The following LOXHD1 variants were observed in gnomAD, a reference collection of about 807,000 sequenced individuals.
The protein encoded by LOXHD1 is lipoxygenase homology domain-containing protein 1.
LOXHD1 carries 205 observed loss-of-function variants against 248.2 expected under a neutral mutation model. The ratio of observed to expected loss-of-function variants is 0.83; its 90% CI spans 0.74 to 0.93. The LOEUF (loss-of-function observed/expected upper bound fraction) is 0.93, where lower values mean the gene tolerates loss of function less well. Among genes scored for constraint, LOXHD1 ranks in the 40% least tolerant of loss-of-function variants. The pLI is 0.00. For synonymous variants in LOXHD1, 1,113 were observed against 1,162.8 expected, an observed-to-expected ratio of 0.96 and a Z score of 0.87; for missense variants, 2,930 against 2,971.6, an observed-to-expected ratio of 0.99 and a Z score of 0.33.
At chr18:46,517,380 GA>G (rs1197701409) in intron 34 of LOXHD1, among the ~76,000 whole-genome samples, 1 of 152,134 alleles carries the variant, frequency 6.6e-6, no homozygotes. Context: ...ACGGCCATGG[GA>G]CTTTGAGCAT....
intron 23 of LOXHD1, among the ~76,000 whole-genome samples, chr18:46,543,424 A>AT (rs963969104): frequency 1.3e-5 from 2 of 152,078 alleles, no homozygotes; most frequent in African/African-American, 2.4e-5. Flanking sequence ...TTTAAAAAAA[A>AT]TTTTTTATTA....
intron 2 of LOXHD1, among the ~76,000 whole-genome samples, chr18:46,644,729 G>GA (rs78669436): frequency 2.6e-4 from 37 of 142,620 alleles, no homozygotes; most frequent in Admixed American, 8.3e-4. Context: ...CTCTAAAAAA[G>GA]AAAAAAAAAA....
chr18:46,624,794 C>T (rs1029364018), intron 4 of LOXHD1, among the ~76,000 whole-genome samples: 2 of 152,148 alleles, frequency 1.3e-5, no homozygotes, highest in Non-Finnish European at 2.9e-5. Context: ...CTGTAACTTC[C>T]TTCTTTTCTC....
At chr18:46,533,111 C>G in intron 28 of LOXHD1, 51 bp downstream of exon 28, 1 of 1,543,992 alleles carries the variant, frequency 6.5e-7, no homozygotes, top group Admixed American at 2.0e-5. Context: ...TCAGGAGGAC[C>G]AGGGTCCTGG....
chr18:46,623,625 C>T (rs1457837232), intron 4 of LOXHD1, among the ~76,000 whole-genome samples: 3 of 152,256 alleles, frequency 2.0e-5, no homozygotes, highest in African/African-American at 7.2e-5. Context: ...GTGGCAGGGG[C>T]ACAAGGCTGC....
chr18:46,506,103 T>C (rs2034555179), intron 36 of LOXHD1, 80 bp from the exon 37 acceptor site: 1 of 1,467,918 alleles, frequency 6.8e-7, no homozygotes, highest in Non-Finnish European at 9.2e-7. Context: ...GATCCCGGAC[T>C]CCTCAGAGGA....
intron 1 of LOXHD1, among the ~76,000 whole-genome samples, chr18:46,650,676 G>A (rs1357997575): frequency 2.0e-5 from 3 of 151,348 alleles, no homozygotes; most frequent in African/African-American, 7.2e-5. Context: ...CCATTCCACA[G>A]AGGGCACAAG....
chr18:46,563,801 A>G (rs1953968122), intron 17 of LOXHD1, among the ~76,000 whole-genome samples: 1 of 152,130 alleles, frequency 6.6e-6, no homozygotes. Flanking sequence ...AGAAAAGGAA[A>G]TTGTGGCACA....
At chr18:46,606,771 T>C (rs1335905373) in intron 6 of LOXHD1, among the ~76,000 whole-genome samples, 1 of 152,174 alleles carries the variant, frequency 6.6e-6, no homozygotes, top group Non-Finnish European at 1.5e-5. Flanking sequence ...ATAGCATAAT[T>C]ATGTCATATA....
chr18:46,546,357 C>G (rs2036829591), intron 22 of LOXHD1, among the ~76,000 whole-genome samples: 1 of 151,744 alleles, frequency 6.6e-6, no homozygotes, highest in Admixed American at 6.6e-5. Flanking sequence ...CCAATACATT[C>G]CATTCCAACC....
intron 27 of LOXHD1, among the ~76,000 whole-genome samples, chr18:46,534,088 T>C (rs1156399111): frequency 6.6e-6 from 1 of 152,194 alleles, no homozygotes; most frequent in Non-Finnish European, 1.5e-5. Flanking sequence ...ACTAGTAATA[T>C]GGCCTTGGAG....
rs2035958848 is a variant in LOXHD1 at position 46,529,262 on chromosome 18, A to T, written c.4445T>A (p.Ile1482Asn). 6.4e-7 allele frequency: 1 copy of T among 1,551,718 alleles called. No homozygotes were observed. Among genetic ancestry groups the T allele is most frequent in the African/African-American group, 1.4e-5 (1 of 73,130 alleles). Reference sequence around the variant, plus strand: ...GTCCCCGAGGTCTCCATAGATGGTGATGTACACCTTGGCATCCGTCCCTGC... The same window carrying T: ...GTCCCCGAGGTCTCCATAGATGGTGTTGTACACCTTGGCATCCGTCCCTGC... ...PGAGTDAKVY[I>N]TIYGDLGDTG... The change falls in exon 29 of 41, where the codon ATC becomes AAC. Residue 1482 changes from isoleucine (I) to asparagine (N), a missense_variant. Physicochemically the swap from Ile to Asn is moderately radical, Grantham distance 149 (BLOSUM62 -3). Transcript: ENST00000642948.
intron 4 of LOXHD1, among the ~76,000 whole-genome samples, chr18:46,623,560 C>T (rs1599057221): frequency 6.6e-6 from 1 of 152,232 alleles, no homozygotes; most frequent in East Asian, 1.9e-4. Flanking sequence ...CCCCCCTTGC[C>T]CTGCTCAGTG....
At chr18:46,598,114 A>G (rs2038286154) in intron 8 of LOXHD1, among the ~76,000 whole-genome samples, 1 of 152,126 alleles carries the variant, frequency 6.6e-6, no homozygotes, top group Non-Finnish European at 1.5e-5. Flanking sequence ...CATGTAAAAC[A>G]ATCTATTATC....
chr18:46,500,826 C>T (rs552092997), intron 37 of LOXHD1, among the ~76,000 whole-genome samples: 1 of 152,074 alleles, frequency 6.6e-6, no homozygotes, highest in Non-Finnish European at 1.5e-5. Context: ...TTCACTCTAC[C>T]TCACATGTGT....
Position 46,541,713 on chromosome 18 carries a change from G to A in LOXHD1, c.3913+63C>T, listed in dbSNP as rs978274442. On this transcript the variant is annotated intron_variant, in intron 25 of 40. Coordinates refer to ENST00000642948, the MANE Select transcript of LOXHD1 (RefSeq NM_001384474.1). Reference sequence around the variant, plus strand: ...CAATCCTGAAGGAAGAACTGGGGCTGAGTTGGGGTAGCTGGTGATGGGGCC... The same window carrying A: ...CAATCCTGAAGGAAGAACTGGGGCTAAGTTGGGGTAGCTGGTGATGGGGCC... 3.4e-5 allele frequency: 52 copies of A among 1,521,768 alleles called. No individual in the cohort carries two copies. The Admixed American group carries it at 1.0e-3, about 29-fold the overall frequency. 94.3% of individuals were successfully genotyped at this position (1,521,768 alleles called of 1,614,324 possible).
intron 8 of LOXHD1, among the ~76,000 whole-genome samples, chr18:46,596,429 A>T (rs985955179): frequency 6.6e-6 from 1 of 152,154 alleles, no homozygotes; most frequent in Admixed American, 6.5e-5. Context: ...AGCAAAAGAC[A>T]ATCTCTGGCA....
chr18:46,618,096 G>T, intron 5 of LOXHD1, 96 bp downstream of exon 5: 1 of 847,536 alleles, frequency 1.2e-6, no homozygotes, highest in Non-Finnish European at 1.9e-6. Flanking sequence ...GCCCAAAGTG[G>T]GGCTCAAGCT....
Position 46,657,205 on chromosome 18 carries a change from T to TC in LOXHD1, c.-173dup. 2.9e-6 allele frequency: 3 copies of TC among 1,022,504 alleles called. No homozygotes were observed. Among genetic ancestry groups the TC allele is most frequent in the South Asian group, 3.3e-5 (2 of 60,638 alleles). The allele number at this position is 1,022,504 out of a possible 1,614,324, so 63.3% of individuals were successfully genotyped here. ...GGCTTCCCCGTGCCCAAGGTGCTGT[T>TC]CCCTCTGCCTTCTCTGGCTCCTGAG... On this transcript the variant is annotated 5_prime_UTR_variant, in exon 1 of 41. Coordinates refer to ENST00000642948, the MANE Select transcript of LOXHD1 (RefSeq NM_001384474.1).
Sources: allele counts gnomAD v4.1 joint callset (sites outside exome capture counted in the v4.1 genomes callset), GRCh38; gene constraint gnomAD v4.1.1; transcripts MANE v1.5; gene names NCBI Gene and HGNC (gene_info 2026-07-23, HGNC 2026-07-21).